Variants in RASSF3 observed in about 807,000 individuals in gnomAD.
RASSF3 encodes ras association domain-containing protein 3.
Under a neutral mutation model 19.9 loss-of-function variants are expected in RASSF3, and 19 were observed. That is an observed-to-expected ratio of 0.96 (90% CI 0.67 to 1.40). The LOEUF (loss-of-function observed/expected upper bound fraction) is 1.40. RASSF3 is among the 40% of genes most tolerant of loss of function. RASSF3 has a pLI of 0.00. For missense variants in RASSF3, 306 were observed against 289.8 expected, an observed-to-expected ratio of 1.06 and a Z score of -0.41; for synonymous variants, 110 against 104.2, an observed-to-expected ratio of 1.06 and a Z score of -0.34.
intron 1 of RASSF3, among the ~76,000 whole-genome samples, chr12:64,634,156 G>T (rs889202885): frequency 1.4e-4 from 21 of 152,026 alleles, no homozygotes; most frequent in African/African-American, 5.1e-4. Context: ...AATTGTGTGA[G>T]CTGAACTAGT....
At chr12:64,648,716 T>G (rs2136188834) in intron 1 of RASSF3, among the ~76,000 whole-genome samples, 1 of 151,528 alleles carries the variant, frequency 6.6e-6, no homozygotes, top group East Asian at 1.9e-4. Context: ...CTCTTGACCT[T>G]GTGATCCGCC....
intron 1 of RASSF3, among the ~76,000 whole-genome samples, chr12:64,680,346 C>T (rs1179068236): frequency 1.3e-5 from 2 of 151,980 alleles, no homozygotes; most frequent in Non-Finnish European, 2.9e-5. Flanking sequence ...GCTTGGGGGC[C>T]ATTTTGGAAG....
rs151018272 is a variant in RASSF3 at position 64,630,970 on chromosome 12, G to A, written c.111+20227G>A. On this transcript the variant is annotated intron_variant, in intron 1 of 4. Transcript: ENST00000542104. ...AATCTGGGCATGTGTGTTTTGAGAT[G>A]TCTGTGGGCTATCAAAGTTTCTGGA... Among the ~76,000 whole-genome samples the A allele has an allele frequency of 1.6e-3, 237 of 152,358 alleles. 1 individual carries two copies. Among genetic ancestry groups the A allele is most frequent in the Non-Finnish European group, 2.8e-3 (189 of 68,038 alleles).
chr12:64,618,802 A>G (rs973469393), intron 1 of RASSF3, among the ~76,000 whole-genome samples: 5 of 152,322 alleles, frequency 3.3e-5, no homozygotes, highest in Non-Finnish European at 5.9e-5. Flanking sequence ...TGTACAATAC[A>G]GTAGTCACTA....
chr12:64,670,544 CTTTTT>C (rs34897392), intron 1 of RASSF3, among the ~76,000 whole-genome samples: 6 of 131,324 alleles, frequency 4.6e-5, no homozygotes, highest in Admixed American at 7.7e-5. Context: ...CTCTCTCTCT[CTTTTT>C]TTTTTTTTTT....
At chr12:64,634,928 A>T (rs778690315) in intron 1 of RASSF3, among the ~76,000 whole-genome samples, 2 of 150,558 alleles carry the variant, frequency 1.3e-5, no homozygotes, top group Admixed American at 6.6e-5. Flanking sequence ...AATTTTTCAA[A>T]TCCATGCATA....
downstream of RASSF3, among the ~76,000 whole-genome samples, chr12:64,543,944 C>T (rs895968273): frequency 3.3e-5 from 5 of 152,160 alleles, no homozygotes; most frequent in African/African-American, 1.2e-4. Context: ...CAATCAGCAG[C>T]CTCTCAAAAC....
chr12:64,523,978 G>T (rs1011825626), intron 1 of RASSF3, among the ~76,000 whole-genome samples: 11 of 151,946 alleles, frequency 7.2e-5, no homozygotes, highest in Admixed American at 7.2e-4. Flanking sequence ...GAGAGGAATG[G>T]GGAAGCTGGT....
In RASSF3 at chr12:64,619,816, C is replaced by G. The variant is rs1187437845; in HGVS notation, c.111+9073C>G. Among the ~76,000 whole-genome samples, 3 of 151,872 alleles carry G rather than the reference C, an allele frequency of 2.0e-5. No homozygotes were observed. The East Asian group carries it at 5.8e-4, about 29-fold the overall frequency. On this transcript the variant is annotated intron_variant, in intron 1 of 4. Coordinates refer to ENST00000542104, the MANE Select transcript of RASSF3 (RefSeq NM_178169.4). Reference sequence around the variant, plus strand: ...CCAATATAGTGAAACCCCGTCTCTACTAAAAATACAAAAATTAGGCAGGCA... The same window carrying G: ...CCAATATAGTGAAACCCCGTCTCTAGTAAAAATACAAAAATTAGGCAGGCA...
chr12:64,623,831 TAGAG>T (rs943404181), intron 1 of RASSF3, among the ~76,000 whole-genome samples: 1 of 151,774 alleles, frequency 6.6e-6, no homozygotes, highest in African/African-American at 2.4e-5. Flanking sequence ...ATTTTTTTAG[TAGAG>T]AGAGAGTTTC....
chr12:64,641,414 A>ACACACACACACGCGCGCGCGCG, intron 1 of RASSF3, among the ~76,000 whole-genome samples: 12 of 142,192 alleles, frequency 8.4e-5, no homozygotes, highest in African/African-American at 3.4e-4. Context: ...ACACACACAC[A>ACACACACACACGCGCGCGCGCG]CGCGCGCGCG....
intron 2 of RASSF3, among the ~76,000 whole-genome samples, chr12:64,686,552 AG>A (rs1216997193): frequency 6.6e-6 from 1 of 152,168 alleles, no homozygotes; most frequent in Non-Finnish European, 1.5e-5. Flanking sequence ...CAGAGCTTGC[AG>A]TGAGGCAAGA....
At chr12:64,586,173 A>G (rs1869795433) in intron 2 of RASSF3, among the ~76,000 whole-genome samples, 1 of 151,936 alleles carries the variant, frequency 6.6e-6, no homozygotes, top group Admixed American at 6.6e-5. Flanking sequence ...AAAATACAAA[A>G]ATTAGCTGGG....
Position 64,688,420 on chromosome 12 carries a change from G to A in RASSF3, c.424G>A (p.Ala142Thr), listed in dbSNP as rs1426865929. 3 of 1,614,170 alleles carry A rather than the reference G, an allele frequency of 1.9e-6. No homozygotes were observed. In the South Asian group the frequency reaches 3.3e-5, roughly 18 times the overall value. ...CGTGACTGAGAGCCCTGCCAAGTTT[G>A]CACTTTATAAGCGTTGTCACAGGGA... ...FLVTESPAKF[A>T]LYKRCHREDQ... is the part of the protein sequence containing the mutation. The change falls in exon 3 of 5, where the codon GCA becomes ACA. Residue 142 changes from alanine to threonine, a missense_variant. Physicochemically the swap from Ala to Thr is moderately conservative, Grantham distance 58 (BLOSUM62 0). Transcript: ENST00000542104.
chr12:64,568,875 A>T lies in RASSF3; in HGVS notation c.294+27170A>T, dbSNP rs7304486. On this transcript the variant is annotated intron_variant, in intron 2 of 5. Transcript: ENST00000637125. ...CAGGCACAAGCCATCATGCCCAGCT[A>T]ATTTTTGTATTATTTTAGTAGAGAC... Among the ~76,000 whole-genome samples, 238 of 152,134 alleles carry T rather than the reference A, an allele frequency of 1.6e-3. 1 individual carries two copies. The highest frequency in any genetic ancestry group is 5.6e-3 in the African/African-American group (231 of 41,500).
intron 1 of RASSF3, among the ~76,000 whole-genome samples, chr12:64,519,956 C>A (rs1335128826): frequency 6.6e-6 from 1 of 152,054 alleles, no homozygotes; most frequent in East Asian, 1.9e-4. Flanking sequence ...CTCCCCCTGC[C>A]TTCTGTGTAC....
chr12:64,669,298 CATT>C (rs1407386804), intron 1 of RASSF3, among the ~76,000 whole-genome samples: 1 of 152,138 alleles, frequency 6.6e-6, no homozygotes, highest in Non-Finnish European at 1.5e-5. Flanking sequence ...GAAACCTTCA[CATT>C]ATTGTGTAAG....
intron 2 of RASSF3, among the ~76,000 whole-genome samples, chr12:64,554,019 G>T (rs181119404): frequency 6.6e-6 from 1 of 151,654 alleles, no homozygotes; most frequent in Non-Finnish European, 1.5e-5. Flanking sequence ...GTTGTCTGGG[G>T]CATGGTTAGG....
At chr12:64,648,127 A>G (rs1430350134) in intron 1 of RASSF3, among the ~76,000 whole-genome samples, 1 of 152,182 alleles carries the variant, frequency 6.6e-6, no homozygotes, top group Non-Finnish European at 1.5e-5. Flanking sequence ...TGGAGATAGA[A>G]TTTGTGCCTC....
Sources: gnomAD v4.1 joint callset for allele counts (sites outside exome capture counted in the v4.1 genomes callset) on GRCh38, gnomAD v4.1.1 for gene constraint, MANE v1.5 for transcripts, NCBI Gene and HGNC (gene_info 2026-07-23, HGNC 2026-07-21) for gene names.